PASD1: variants seen among roughly 807,000 people sequenced by gnomAD.
The protein encoded by PASD1 is PAS domain containing repressor 1.
In PASD1, 13 loss-of-function variants were observed where a neutral mutation model predicts 58.8. The observed-to-expected ratio is 0.22, with a 90% confidence interval of 0.14 to 0.35. PASD1 has a LOEUF of 0.35. Ranked by LOEUF, PASD1 falls within the 10% of genes least tolerant of loss-of-function variation. The probability of loss-of-function intolerance (pLI) is 1.00; values close to 1 mark genes in which losing one functional copy is unlikely to be tolerated. For synonymous variants in PASD1, 236 were observed against 216.7 expected (o/e 1.09, Z -0.78); for missense variants, 734 against 568.3 (o/e 1.29, Z -2.96).
chrX:151,620,590 T>C (rs1368253668), intron 4 of PASD1, among the ~76,000 whole-genome samples: 1 of 111,266 alleles, frequency 9.0e-6, no homozygotes, highest in Non-Finnish European at 1.9e-5. Context: ...TCAAATAATA[T>C]ACTGCTTAGT....
intron 8 of PASD1, among the ~76,000 whole-genome samples, chrX:151,629,522 G>T (rs1432843898): frequency 8.9e-6 from 1 of 112,057 alleles, no homozygotes; most frequent in Non-Finnish European, 1.9e-5. Context: ...CTCTGAATGT[G>T]CTTTATTGCT....
chrX:151,615,856 T>C (rs1269253592), intron 4 of PASD1, among the ~76,000 whole-genome samples: 1 of 112,258 alleles, frequency 8.9e-6, no homozygotes, highest in Non-Finnish European at 1.9e-5. Flanking sequence ...TAATATTACT[T>C]AGAGAGTGCT....
intron 3 of PASD1, among the ~76,000 whole-genome samples, chrX:151,605,832 C>T (rs2013481347): frequency 9.0e-6 from 1 of 111,642 alleles, no homozygotes; most frequent in East Asian, 2.8e-4. Flanking sequence ...TCAAGCGATC[C>T]ACCTTGGCCT....
intron 4 of PASD1, among the ~76,000 whole-genome samples, chrX:151,614,395 T>G (rs1266745761): frequency 9.0e-6 from 1 of 111,216 alleles, no homozygotes; most frequent in Admixed American, 9.6e-5. Context: ...TATAAATTTT[T>G]GGGGGACATA....
intron 9 of PASD1, among the ~76,000 whole-genome samples, chrX:151,655,217 T>G (rs1170957709): frequency 9.0e-6 from 1 of 110,534 alleles, no homozygotes; most frequent in Non-Finnish European, 1.9e-5. Context: ...TATTCCCTGG[T>G]GTATATGGGC....
At chrX:151,609,483 A>T (rs2013526429) in intron 3 of PASD1, among the ~76,000 whole-genome samples, 1 of 111,741 alleles carries the variant, frequency 8.9e-6, no homozygotes, top group South Asian at 3.7e-4. Flanking sequence ...ACTTTCTCCC[A>T]GTTCCTGGTA....
chrX:151,599,077 G>T (rs180792791), intron 1 of PASD1, among the ~76,000 whole-genome samples: 1 of 111,474 alleles, frequency 9.0e-6, no homozygotes, highest in Non-Finnish European at 1.9e-5. Flanking sequence ...ATCTTGCACC[G>T]CCCTTAATCC....
chrX:151,623,071 A>G lies in PASD1; in HGVS notation c.546+7A>G, dbSNP rs2013739013. The G allele has an allele frequency of 8.3e-7, 1 of 1,207,363 alleles. No individual in the cohort carries two copies. The highest frequency in any genetic ancestry group is 1.1e-6 in the Non-Finnish European group (1 of 893,564). On this transcript the variant is annotated splice_region_variant and intron_variant, in intron 7 of 15. Transcript: ENST00000370357. ...CAGGACTCAGCTCCTGCAGGTGGGT[A>G]TACTGTGTTTGTGCTTCCCCCGCTG...
intron 9 of PASD1, among the ~76,000 whole-genome samples, chrX:151,656,990 G>C (rs747784850): frequency 9.3e-4 from 104 of 111,583 alleles, no homozygotes; most frequent in African/African-American, 3.4e-3. Context: ...TATTGGCTGT[G>C]GGTTTGTCAT....
intron 4 of PASD1, among the ~76,000 whole-genome samples, chrX:151,617,262 C>G (rs147998408): frequency 0.01 from 1,129 of 111,134 alleles, 18 homozygotes; most frequent in African/African-American, 0.035. Flanking sequence ...AGGTCTCCTC[C>G]CTTTTTCTAA....
chrX:151,635,544 C>G (rs2013920509), intron 8 of PASD1, among the ~76,000 whole-genome samples: 1 of 112,032 alleles, frequency 8.9e-6, no homozygotes, highest in South Asian at 3.7e-4. Context: ...ACACTCTTTT[C>G]CAATAGTCAC....
intron 1 of PASD1, among the ~76,000 whole-genome samples, chrX:151,590,557 T>G (rs185085935): frequency 9.0e-6 from 1 of 111,219 alleles, no homozygotes; most frequent in African/African-American, 3.3e-5. Context: ...CAGGACATGT[T>G]CCACTTTCAC....
At chrX:151,669,594 C>T (rs1865216008) in intron 11 of PASD1, among the ~76,000 whole-genome samples, 1 of 111,061 alleles carries the variant, frequency 9.0e-6, no homozygotes, top group Admixed American at 9.7e-5. Context: ...TACTCTCCAC[C>T]TCCATGATAT....
intron 3 of PASD1, among the ~76,000 whole-genome samples, chrX:151,606,375 G>T (rs1199598036): frequency 9.0e-6 from 1 of 111,441 alleles, no homozygotes; most frequent in African/African-American, 3.3e-5. Context: ...AGCGGGGTTT[G>T]GAGGGCAAGA....
intron 1 of PASD1, among the ~76,000 whole-genome samples, chrX:151,591,953 T>G (rs2013256761): frequency 8.9e-6 from 1 of 112,294 alleles, no homozygotes; most frequent in Non-Finnish European, 1.9e-5. Context: ...TTCAAAATTT[T>G]AATGCCTCTT....
In PASD1 at chrX:151,594,262, C is replaced by T. The variant is rs762464048; in HGVS notation, c.-27-7265C>T. Among the ~76,000 whole-genome samples, 15 of 111,743 alleles carry T rather than the reference C, an allele frequency of 1.3e-4. No individual in the cohort carries two copies. The East Asian group carries it at 2.5e-3, about 19-fold the overall frequency. On this transcript the variant is annotated intron_variant, in intron 1 of 15. Coordinates refer to ENST00000370357, the MANE Select transcript of PASD1 (RefSeq NM_173493.3). The stretch of plus-strand genomic sequence containing the variant: ...TGCTAGGATTACAGGCGTGAGCCAC[C>T]GTGCCCGGCTGATAATTTATATTAT...
rs186551158 is a variant in PASD1 at position 151,673,574 on chromosome X, T to G, written c.1917-354T>G. The G allele has an allele frequency of 1.6e-3, 419 of 256,038 alleles. 1 individual carries two copies. The highest frequency in any genetic ancestry group is 0.011 in the African/African-American group (392 of 36,520). The allele number at this position is 256,038 out of a possible 1,213,427, so 21.1% of individuals were successfully genotyped here. A position where few individuals can be genotyped will look rare whatever the true frequency, so the allele number is the denominator to read the frequency against. On this transcript the variant is annotated intron_variant, in intron 14 of 15. Coordinates refer to ENST00000370357, the MANE Select transcript of PASD1 (RefSeq NM_173493.3). ...TGGAGAGAGCACTGGATTTGGAGTT[T>G]GGAAATCTGCCTTACAGTCTCTGCT... is the stretch of plus-strand genomic sequence containing the variant.
chrX:151,656,974 G>A (rs1357522815), intron 9 of PASD1, among the ~76,000 whole-genome samples: 1 of 111,747 alleles, frequency 8.9e-6, no homozygotes, highest in Non-Finnish European at 1.9e-5. Flanking sequence ...TGCCCATTCA[G>A]TATGATATTG....
At chrX:151,664,000 C>G in intron 10 of PASD1, 119 bp from the exon 11 acceptor site, 5 of 1,020,241 alleles carry the variant, frequency 4.9e-6, no homozygotes, top group East Asian at 3.3e-5. Context: ...CTGAATGATT[C>G]CTGGCACCTG....
Sources: gnomAD v4.1 joint callset for allele counts (sites outside exome capture counted in the v4.1 genomes callset) on GRCh38, gnomAD v4.1.1 for gene constraint, MANE v1.5 for transcripts, NCBI Gene and HGNC (gene_info 2026-07-23, HGNC 2026-07-21) for gene names.